The following HS6ST2 variants were observed in gnomAD, a reference collection of about 807,000 sequenced individuals.
The protein encoded by HS6ST2 is heparan sulfate 6-O-sulfotransferase 2, also known as heparan-sulfate 6-O-sulfotransferase 2.
A neutral mutation model predicts 33.0 loss-of-function variants in HS6ST2; 17 were observed. The ratio of observed to expected loss-of-function variants is 0.52; its 90% confidence interval spans 0.35 to 0.77. The LOEUF (loss-of-function observed/expected upper bound fraction) is 0.77. Ranked by LOEUF, HS6ST2 falls within the 30% of genes least tolerant of loss-of-function variation. The pLI is 0.01. For synonymous variants in HS6ST2, 248 were observed against 237.1 expected, an observed-to-expected ratio of 1.05 and a Z score of -0.42; for missense variants, 519 against 551.7, an observed-to-expected ratio of 0.94 and a Z score of 0.59.
At chrX:132,772,007 T>C (rs759909762) in intron 2 of HS6ST2, among the ~76,000 whole-genome samples, 19 of 111,734 alleles carry the variant, frequency 1.7e-4, no homozygotes, top group Non-Finnish European at 3.0e-4. Context: ...ATGTTACTTA[T>C]GGTGTCTTAA....
intron 4 of HS6ST2, among the ~76,000 whole-genome samples, chrX:132,643,383 G>C (rs997585662): frequency 9.0e-6 from 1 of 111,572 alleles, no homozygotes; most frequent in Non-Finnish European, 1.9e-5. Flanking sequence ...CTCTCGTTGA[G>C]TAAGAGCCAT....
chrX:132,903,839 T>A (rs1044631272), intron 2 of HS6ST2, among the ~76,000 whole-genome samples: 35 of 112,591 alleles, frequency 3.1e-4, no homozygotes, highest in African/African-American at 1.1e-3. Context: ...TTAACCACAA[T>A]TCTGTTACTT....
intron 2 of HS6ST2, among the ~76,000 whole-genome samples, chrX:132,870,167 A>G (rs892769655): frequency 2.5e-4 from 28 of 111,376 alleles, no homozygotes; most frequent in Admixed American, 8.6e-4. Flanking sequence ...CCCATTCACA[A>G]TTGCTACAAA....
intron 3 of HS6ST2, among the ~76,000 whole-genome samples, chrX:132,684,554 A>C (rs1039204702): frequency 5.4e-5 from 6 of 110,196 alleles, no homozygotes; most frequent in Non-Finnish European, 1.1e-4. Context: ...ATTTGAATGC[A>C]GGCCTTGGAC....
chrX:132,958,749 A>AGC, upstream of HS6ST2: 1 of 516,430 alleles, frequency 1.9e-6, no homozygotes. Flanking sequence ...CACTCCGCTT[A>AGC]GCGCATCACT....
At chrX:132,787,153 G>GTGTATATATATA (rs1414507653) in intron 2 of HS6ST2, among the ~76,000 whole-genome samples, 2 of 72,565 alleles carry the variant, frequency 2.8e-5, no homozygotes, top group East Asian at 3.9e-4. Flanking sequence ...AAGTGTGTGT[G>GTGTATATATATA]TGTATATATA....
At chrX:132,716,248 G>C (rs895956869) in intron 2 of HS6ST2, among the ~76,000 whole-genome samples, 1 of 111,520 alleles carries the variant, frequency 9.0e-6, no homozygotes, top group African/African-American at 3.3e-5. Context: ...GACACTGAAG[G>C]ATTCTTGTTT....
At chrX:132,690,336 A>T (rs915440589) in intron 3 of HS6ST2, among the ~76,000 whole-genome samples, 3 of 112,020 alleles carry the variant, frequency 2.7e-5, no homozygotes, top group Admixed American at 9.5e-5. Context: ...TAAATTGGCA[A>T]CTTCCCTAGG....
rs148784085 is a variant in HS6ST2, at chrX:132,916,759, G to A, written c.947+40049C>T. Among the ~76,000 whole-genome samples, 379 of 111,890 alleles carry A rather than the reference G, an allele frequency of 3.4e-3. 1 individual carries two copies. The highest frequency in any genetic ancestry group is 0.012 in the African/African-American group (357 of 30,832). On this transcript the variant is annotated intron_variant, in intron 2 of 4. Transcript: ENST00000370833. The stretch of plus-strand genomic sequence containing the variant: ...CCAGTGGTTTACCAAGGGCTCTCAG[G>A]CCTTCAGCCACAGATTGAAGGTTGT...
intron 4 of HS6ST2, among the ~76,000 whole-genome samples, chrX:132,656,138 G>T (rs2063728384): frequency 8.9e-6 from 1 of 111,763 alleles, no homozygotes; most frequent in South Asian, 3.8e-4. Flanking sequence ...GATTCAGCCT[G>T]GGTGTAGGCT....
intron 2 of HS6ST2, among the ~76,000 whole-genome samples, chrX:132,713,709 C>T (rs1051747553): frequency 5.4e-5 from 6 of 111,191 alleles, no homozygotes; most frequent in Non-Finnish European, 9.4e-5. Flanking sequence ...TTGTTTTAAC[C>T]TCCCAAGGAA....
intron 2 of HS6ST2, among the ~76,000 whole-genome samples, chrX:132,775,909 T>C (rs758455682): frequency 8.1e-5 from 9 of 111,564 alleles, no homozygotes; most frequent in Non-Finnish European, 1.7e-4. Flanking sequence ...TTTTTGTTTG[T>C]CTTAGGTCCT....
In HS6ST2 at chrX:132,928,934, G is replaced by T. The variant is rs961924137; in HGVS notation, c.947+27874C>A. Among the ~76,000 whole-genome samples, 3 of 111,610 alleles carry T rather than the reference G, an allele frequency of 2.7e-5. No homozygotes were observed. In the Admixed American group the frequency reaches 2.9e-4, roughly 11 times the overall value. On this transcript the variant is annotated intron_variant, in intron 2 of 4. Coordinates refer to ENST00000370833, the MANE Select transcript of HS6ST2 (RefSeq NM_001394073.1). ...ATAGTCAATTTTTGTTTCTATTCAT[G>T]CTGAGTCAGTGGCAGGCAGCAGATG...
chrX:132,759,586 GT>G (rs2064786507), intron 2 of HS6ST2, among the ~76,000 whole-genome samples: 1 of 110,996 alleles, frequency 9.0e-6, no homozygotes, highest in East Asian at 2.8e-4. Context: ...CTAGATAGTG[GT>G]GATAATTTCA....
chrX:132,944,546 G>A (rs2066923981), intron 2 of HS6ST2, among the ~76,000 whole-genome samples: 1 of 111,845 alleles, frequency 8.9e-6, no homozygotes. Flanking sequence ...ACATTGCCAA[G>A]TCAATCCTAA....
chrX:132,872,871 T>C (rs1437288955), intron 2 of HS6ST2, among the ~76,000 whole-genome samples: 1 of 111,560 alleles, frequency 9.0e-6, no homozygotes, highest in Admixed American at 9.6e-5. Flanking sequence ...TAAAACGCTC[T>C]CTTTCTGAAC....
intron 2 of HS6ST2, among the ~76,000 whole-genome samples, chrX:132,906,077 A>T (rs2066472310): frequency 1.8e-5 from 2 of 112,200 alleles, no homozygotes. Flanking sequence ...TGAGGTTTTG[A>T]TTGCAATTAC....
At chrX:132,697,937 GCTT>G (rs1414929529) in intron 3 of HS6ST2, among the ~76,000 whole-genome samples, 1 of 111,697 alleles carries the variant, frequency 9.0e-6, no homozygotes, top group African/African-American at 3.3e-5. Context: ...GCTATCATTG[GCTT>G]CTTCTCATTT....
At chrX:132,830,115 A>G (rs1040553587) in intron 2 of HS6ST2, among the ~76,000 whole-genome samples, 1 of 111,991 alleles carries the variant, frequency 8.9e-6, no homozygotes, top group African/African-American at 3.2e-5. Flanking sequence ...AGGTTTCTGG[A>G]TGGATCTGCC....
Sources: allele counts gnomAD v4.1 joint callset (sites outside exome capture counted in the v4.1 genomes callset), GRCh38; gene constraint gnomAD v4.1.1; transcripts MANE v1.5; gene names NCBI Gene and HGNC (gene_info 2026-07-23, HGNC 2026-07-21).